CDH2: variants seen among roughly 807,000 people sequenced by gnomAD.
CDH2 encodes the protein cadherin-2.
A neutral mutation model predicts 92.0 loss-of-function variants in CDH2; 17 were observed. The ratio of observed to expected loss-of-function variants is 0.18; its 90% CI spans 0.13 to 0.28. The LOEUF (loss-of-function observed/expected upper bound fraction) is 0.28. Among genes scored for constraint, CDH2 ranks in the 10% least tolerant of loss-of-function variants. The pLI is 1.00. For missense variants in CDH2, 862 were observed against 1,133.1 expected, an observed-to-expected ratio of 0.76 and a Z score of 3.44; for synonymous variants, 419 against 415.9, an observed-to-expected ratio of 1.01 and a Z score of -0.09.
At chr18:27,979,401 T>A (rs1055802246) in intron 14 of CDH2, among the ~76,000 whole-genome samples, 13 of 152,184 alleles carry the variant, frequency 8.5e-5, no homozygotes, top group African/African-American at 3.1e-4. Flanking sequence ...AGGTGTCAAT[T>A]GTATGATCAC....
chr18:28,158,485 T>C (rs182083268), intron 1 of CDH2, among the ~76,000 whole-genome samples: 2 of 152,300 alleles, frequency 1.3e-5, no homozygotes, highest in East Asian at 1.9e-4. Context: ...AGTTTCACAG[T>C]GTAACCCATA....
At chr18:28,154,480 G>A (rs758839520) in intron 1 of CDH2, among the ~76,000 whole-genome samples, 1 of 152,202 alleles carries the variant, frequency 6.6e-6, no homozygotes, top group Non-Finnish European at 1.5e-5. Flanking sequence ...GCTGAAGATC[G>A]ACCTCCTTGT....
At chr18:28,147,622 G>T (rs17469231) in intron 2 of CDH2, 51 bp downstream of exon 2, 1 of 1,141,194 alleles carries the variant, frequency 8.8e-7, no homozygotes, top group South Asian at 1.4e-5. Flanking sequence ...TGGCTAATTT[G>T]TTTCATGAGC....
At chr18:28,056,471 G>A (rs969727612) in intron 2 of CDH2, among the ~76,000 whole-genome samples, 6 of 152,060 alleles carry the variant, frequency 3.9e-5, no homozygotes, top group African/African-American at 1.4e-4. Flanking sequence ...GCTTCATTTT[G>A]TCTTTCTTAG....
At chr18:27,941,587 T>C (rs976892478) in intron 6 of CDH2, among the ~76,000 whole-genome samples, 6 of 152,180 alleles carry the variant, frequency 3.9e-5, no homozygotes, top group Admixed American at 3.3e-4. Context: ...TATCCAGTTA[T>C]TAAAGTTTAA....
chr18:27,941,021 T>C (rs1352281010), intron 6 of CDH2, among the ~76,000 whole-genome samples: 1 of 149,780 alleles, frequency 6.7e-6, no homozygotes, highest in Non-Finnish European at 1.5e-5. Context: ...GAGGTTTCAA[T>C]CTAAGTAGCA....
intron 14 of CDH2, among the ~76,000 whole-genome samples, chr18:27,981,623 C>G (rs1053263366): frequency 6.6e-6 from 1 of 152,048 alleles, no homozygotes; most frequent in African/African-American, 2.4e-5. Context: ...ATGGAAAACT[C>G]TAAGGGGCTG....
rs781072123 is a variant in CDH2, at chr18:28,009,734, G to C, written c.685C>G (p.Gln229Glu). 1 of 1,613,666 alleles carries C rather than the reference G, an allele frequency of 6.2e-7. No homozygotes were observed. The highest frequency in any genetic ancestry group is 8.5e-7 in the Non-Finnish European group (1 of 1,179,920). Residue 229 changes from glutamine (Q) to glutamate (E), a missense_variant, in exon 5 of 16, where the codon CAG (glutamine) becomes GAG (glutamate). Physicochemically the swap from Gln to Glu is conservative, Grantham distance 29. Transcript: ENST00000269141. ...LSVTKPLDREQIARFHLRAHA... is the reference protein window; with the variant it reads ...LSVTKPLDREEIARFHLRAHA... ...AATCTTACATGAAACCGGGCTATCTGCTCGCGATCCAGGGGCTTTGTCACC... is the reference window on the plus strand; with the variant it reads ...AATCTTACATGAAACCGGGCTATCTCCTCGCGATCCAGGGGCTTTGTCACC...
intron 6 of CDH2, among the ~76,000 whole-genome samples, chr18:27,943,204 C>T (rs990812845): frequency 5.3e-5 from 8 of 152,048 alleles, no homozygotes; most frequent in Non-Finnish European, 1.2e-4. Flanking sequence ...TGCAAAAGAG[C>T]CACTCTTTCT....
Position 28,090,190 on chromosome 18 carries a change from T to C in CDH2, c.172+57483A>G, listed in dbSNP as rs519568. Among the ~76,000 whole-genome samples, 813 of 152,320 alleles carry C rather than the reference T, an allele frequency of 5.3e-3. 9 individuals carry two copies. The highest frequency in any genetic ancestry group is 0.019 in the African/African-American group (782 of 41,566). On this transcript the variant is annotated intron_variant, in intron 2 of 15. Coordinates refer to ENST00000269141, the MANE Select transcript of CDH2 (RefSeq NM_001792.5). ...TGTGGACCCCACATATTAGTAATTG[T>C]TCTTTTTTGCATCTGTTGACTAAGA...
chr18:28,034,687 AAAAAAC>A (rs2013782139), intron 2 of CDH2, among the ~76,000 whole-genome samples: 1 of 152,024 alleles, frequency 6.6e-6, no homozygotes, highest in Non-Finnish European at 1.5e-5. Flanking sequence ...CCACAATAAA[AAAAAAC>A]AAAAACAAAA....
intron 2 of CDH2, among the ~76,000 whole-genome samples, chr18:28,062,764 A>G (rs1372376875): frequency 6.6e-6 from 1 of 152,188 alleles, no homozygotes; most frequent in Non-Finnish European, 1.5e-5. Context: ...ACTTGAGGTC[A>G]GGAGTTTGAG....
intron 2 of CDH2, chr18:28,045,387 A>T: frequency 2.1e-6 from 1 of 467,270 alleles, no homozygotes; most frequent in South Asian, 1.6e-5. Context: ...ATAGCTCTCC[A>T]TTGATTAGAA....
downstream of CDH2, among the ~76,000 whole-genome samples, chr18:27,946,881 T>TACAC (rs1168565999): frequency 2.0e-5 from 3 of 151,970 alleles, no homozygotes; most frequent in Non-Finnish European, 4.4e-5. Context: ...AATGGGCTAA[T>TACAC]ACACAATCAT....
chr18:27,955,333 T>C (rs1234523991), intron 15 of CDH2, among the ~76,000 whole-genome samples: 3 of 140,442 alleles, frequency 2.1e-5, no homozygotes, highest in Admixed American at 1.5e-4. Context: ...AACCTGCACA[T>C]TCCGCACATG....
intron 1 of CDH2, among the ~76,000 whole-genome samples, chr18:28,176,486 G>A (rs1205036457): frequency 5.3e-5 from 8 of 152,152 alleles, no homozygotes. Flanking sequence ...TGCAGGGTGG[G>A]GTAAGGTGGA....
At chr18:28,124,109 T>C (rs2015635435) in intron 2 of CDH2, among the ~76,000 whole-genome samples, 1 of 151,946 alleles carries the variant, frequency 6.6e-6, no homozygotes, top group Non-Finnish European at 1.5e-5. Flanking sequence ...ACCCCGAAAA[T>C]ATGCCTGTAG....
At chr18:28,136,719 T>C (rs1202901379) in intron 2 of CDH2, among the ~76,000 whole-genome samples, 4 of 152,154 alleles carry the variant, frequency 2.6e-5, no homozygotes, top group Non-Finnish European at 5.9e-5. Flanking sequence ...TAGACTAATA[T>C]GGTTGACTAT....
At chr18:28,120,336 T>C (rs143418603) in intron 2 of CDH2, among the ~76,000 whole-genome samples, 4 of 152,154 alleles carry the variant, frequency 2.6e-5, no homozygotes, top group African/African-American at 9.6e-5. Context: ...TGCTGATAGG[T>C]CCAAGATACT....
Sources: gnomAD v4.1 joint callset for allele counts (sites outside exome capture counted in the v4.1 genomes callset) on GRCh38, gnomAD v4.1.1 for gene constraint, MANE v1.5 for transcripts, NCBI Gene and HGNC (gene_info 2026-07-23, HGNC 2026-07-21) for gene names.